The following FZD3 variants were observed in gnomAD, a reference collection of about 807,000 sequenced individuals.
The protein encoded by FZD3 is frizzled-3.
FZD3 carries 30 observed loss-of-function variants against 60.7 expected under a neutral mutation model. That is an observed-to-expected ratio of 0.49 (90% CI 0.37 to 0.67). The LOEUF is 0.67. FZD3 is among the 30% of genes least tolerant of loss of function. The pLI is 0.00. For missense variants in FZD3, 605 were observed against 838.7 expected, an observed-to-expected ratio of 0.72 and a Z score of 3.44; for synonymous variants, 246 against 275.2, an observed-to-expected ratio of 0.89 and a Z score of 1.05.
At chr8:28,507,347 T>G (rs190773062) in intron 3 of FZD3, among the ~76,000 whole-genome samples, 3 of 152,312 alleles carry the variant, frequency 2.0e-5, no homozygotes, top group Admixed American at 2.0e-4. Flanking sequence ...CGTGTCTCTG[T>G]CTCATTTATT....
chr8:28,499,704 C>T (rs1034081749), intron 1 of FZD3, among the ~76,000 whole-genome samples: 1 of 151,690 alleles, frequency 6.6e-6, no homozygotes, highest in Non-Finnish European at 1.5e-5. Context: ...TTGTTTTTTC[C>T]TATCTGGTTG....
At chr8:28,551,846 T>C (rs569696189) in intron 6 of FZD3, 95 bp downstream of exon 6, 1 of 972,174 alleles carries the variant, frequency 1.0e-6, no homozygotes, top group African/African-American at 1.6e-5. Context: ...ATTTGGAGAA[T>C]TATTCAAACA....
At chr8:28,501,981 G>A (rs936642877) in intron 2 of FZD3, among the ~76,000 whole-genome samples, 1 of 152,136 alleles carries the variant, frequency 6.6e-6, no homozygotes, top group South Asian at 2.1e-4. Context: ...GGTAGCATTT[G>A]TATAAACTAA....
intron 5 of FZD3, among the ~76,000 whole-genome samples, chr8:28,540,323 G>A (rs756726516): frequency 3.2e-4 from 48 of 152,232 alleles, no homozygotes; most frequent in South Asian, 8.3e-4. Flanking sequence ...TCCGCCTCCT[G>A]GGTTCAAGCT....
intron 5 of FZD3, among the ~76,000 whole-genome samples, chr8:28,529,424 A>G (rs768537410): frequency 9.9e-5 from 15 of 152,124 alleles, no homozygotes; most frequent in Non-Finnish European, 1.5e-4. Context: ...TGTTTCCCCT[A>G]TTACTATACT....
In FZD3 at chr8:28,520,845, CAT is replaced by C. The variant is rs1563389143; in HGVS notation, c.386+13_386+14del. On this transcript the variant is annotated intron_variant, in intron 4 of 7. Coordinates refer to ENST00000240093, the MANE Select transcript of FZD3 (RefSeq NM_017412.4). ...TATGGAATGCAGTAGGTGCGAAAAT[CAT>C]AGATTTTCATGGATCATTTCTTATG... 1 of 1,466,966 alleles carries C rather than the reference CAT, an allele frequency of 6.8e-7. No homozygotes were observed. The highest frequency in any genetic ancestry group is 1.3e-5 in the South Asian group (1 of 77,760). The allele number at this position is 1,466,966 out of a possible 1,614,324, so 90.9% of individuals were successfully genotyped here.
At chr8:28,525,993 A>T (rs1234130110) in intron 4 of FZD3, among the ~76,000 whole-genome samples, 1 of 152,190 alleles carries the variant, frequency 6.6e-6, no homozygotes, top group Non-Finnish European at 1.5e-5. Context: ...ATAACCATTT[A>T]TGGAGATGGA....
intron 6 of FZD3, among the ~76,000 whole-genome samples, 195 bp from the exon 7 acceptor site, chr8:28,555,543 C>T (rs1304234614): frequency 6.6e-6 from 1 of 152,102 alleles, no homozygotes; most frequent in Non-Finnish European, 1.5e-5. Context: ...TCCATCATAC[C>T]ACCTTAGGGG....
At chr8:28,546,127 C>T (rs543837186) in intron 5 of FZD3, among the ~76,000 whole-genome samples, 2 of 152,296 alleles carry the variant, frequency 1.3e-5, no homozygotes, top group African/African-American at 2.4e-5. Flanking sequence ...CTGATATTCG[C>T]GCAATGACAA....
intron 5 of FZD3, among the ~76,000 whole-genome samples, chr8:28,545,556 A>G (rs1805275076): frequency 6.6e-6 from 1 of 152,182 alleles, no homozygotes; most frequent in African/African-American, 2.4e-5. Context: ...ATCCTAGCTG[A>G]TATTTGAGTG....
chr8:28,537,247 G>A (rs1489628295), intron 5 of FZD3, among the ~76,000 whole-genome samples: 2 of 152,176 alleles, frequency 1.3e-5, no homozygotes, highest in Non-Finnish European at 2.9e-5. Flanking sequence ...TGTCCTGGTT[G>A]TAAAATACTG....
At chr8:28,515,313 A>G (rs1447060511) in intron 3 of FZD3, among the ~76,000 whole-genome samples, 1 of 152,208 alleles carries the variant, frequency 6.6e-6, no homozygotes, top group African/African-American at 2.4e-5. Flanking sequence ...GACGTAAGGC[A>G]GAGTCTCGGG....
Position 28,572,022 on chromosome 8 carries a change from A to C in FZD3, c.*9011A>C, listed in dbSNP as rs1220502559. Reference sequence around the variant, plus strand: ...CTGTAATTTGTGATACCCAAGATTCATATTTATTTAATGTGAGGTGTTTTT... The same window carrying C: ...CTGTAATTTGTGATACCCAAGATTCCTATTTATTTAATGTGAGGTGTTTTT... On this transcript the variant is annotated 3_prime_UTR_variant, in exon 8 of 8. Transcript: ENST00000240093. The C allele has an allele frequency of 6.6e-6, 1 of 152,148 alleles. No individual in the cohort carries two copies. The highest frequency in any genetic ancestry group is 1.5e-5 in the Non-Finnish European group (1 of 68,010). 9.4% of individuals were successfully genotyped at this position (152,148 alleles called of 1,614,324 possible).
chr8:28,552,614 G>A (rs1368870051), intron 6 of FZD3, among the ~76,000 whole-genome samples: 1 of 151,946 alleles, frequency 6.6e-6, no homozygotes, highest in Non-Finnish European at 1.5e-5. Context: ...TTTTTTGTGG[G>A]TAGTCTGTAA....
intron 5 of FZD3, among the ~76,000 whole-genome samples, chr8:28,533,770 G>A (rs924431185): frequency 3.3e-5 from 5 of 152,082 alleles, no homozygotes; most frequent in South Asian, 2.1e-4. Context: ...TCCCTCCAAC[G>A]TGTATTTTTT....
chr8:28,514,537 A>C (rs1428082122), intron 3 of FZD3, among the ~76,000 whole-genome samples: 1 of 151,988 alleles, frequency 6.6e-6, no homozygotes, highest in Non-Finnish European at 1.5e-5. Flanking sequence ...CTTTGTAGTC[A>C]CCCCGCTCTC....
At chr8:28,511,451 C>T (rs1804288177) in intron 3 of FZD3, among the ~76,000 whole-genome samples, 1 of 152,176 alleles carries the variant, frequency 6.6e-6, no homozygotes, top group Non-Finnish European at 1.5e-5. Flanking sequence ...CGCCTCTGTA[C>T]TCCATCCAGT....
intron 5 of FZD3, among the ~76,000 whole-genome samples, chr8:28,535,628 AAAT>A (rs1275811258): frequency 6.6e-6 from 1 of 152,218 alleles, no homozygotes; most frequent in Non-Finnish European, 1.5e-5. Context: ...AATGTTTATT[AAAT>A]AATACTTGAA....
chr8:28,516,168 A>T (rs1362366196), intron 3 of FZD3, among the ~76,000 whole-genome samples: 6 of 152,078 alleles, frequency 3.9e-5, no homozygotes, highest in Non-Finnish European at 8.8e-5. Flanking sequence ...CTTTTTTCCC[A>T]TTGAACAGTC....
Sources: allele counts gnomAD v4.1 joint callset (sites outside exome capture counted in the v4.1 genomes callset), GRCh38; gene constraint gnomAD v4.1.1; transcripts MANE v1.5; gene names NCBI Gene and HGNC (gene_info 2026-07-23, HGNC 2026-07-21).